Variants in C10orf67 observed in about 807,000 individuals in gnomAD.
C10orf67 encodes uncharacterized protein C10orf67, mitochondrial.
C10orf67 carries 60 observed loss-of-function variants against 35.6 expected under a neutral mutation model. The ratio of observed to expected loss-of-function variants is 1.68; its 90% CI spans 1.37 to 2.09. C10orf67 has a LOEUF of 2.09. Among genes scored for constraint, C10orf67 ranks in the 30% most tolerant of loss-of-function variants. The pLI is 0.00. For synonymous variants in C10orf67, 167 were observed against 115.8 expected (o/e 1.44, Z -2.84); for missense variants, 474 against 330.2 (o/e 1.44, Z -3.38).
Position 23,291,298 on chromosome 10 carries a change from C to A in C10orf67, c.703-19G>T. 2 of 711,012 alleles carry A rather than the reference C, an allele frequency of 2.8e-6. No individual in the cohort carries two copies. Among genetic ancestry groups the A allele is most frequent in the South Asian group, 3.0e-5 (2 of 66,182 alleles). 44.0% of individuals were successfully genotyped at this position (711,012 alleles called of 1,614,324 possible). ...AAGATTCCTAAAAGATGGAGAATGC[C>A]ATATTCCTAAGCAGGGAGCCAAGGA... On this transcript the variant is annotated intron_variant, in intron 5 of 15. Transcript: ENST00000636213.
At chr10:23,331,089 G>T (rs1015678079) in intron 2 of C10orf67, among the ~76,000 whole-genome samples, 5 of 34,776 alleles carry the variant, frequency 1.4e-4, no homozygotes, top group Admixed American at 3.6e-4. Flanking sequence ...GGAGGGGATA[G>T]GAGGGGAGGG....
At chr10:23,244,495 A>C (rs923166494) in intron 12 of C10orf67, among the ~76,000 whole-genome samples, 6 of 152,190 alleles carry the variant, frequency 3.9e-5, no homozygotes, top group African/African-American at 1.4e-4. Flanking sequence ...AGAGCTAATA[A>C]ATTCAGTAAA....
At chr10:23,333,601 G>A (rs1039190753) in intron 1 of C10orf67, among the ~76,000 whole-genome samples, 1 of 152,172 alleles carries the variant, frequency 6.6e-6, no homozygotes, top group African/African-American at 2.4e-5. Flanking sequence ...TAGAAAATCT[G>A]TGAGATCAAA....
intron 4 of C10orf67, among the ~76,000 whole-genome samples, chr10:23,308,091 C>A (rs1844353837): frequency 6.6e-6 from 1 of 152,172 alleles, no homozygotes; most frequent in African/African-American, 2.4e-5. Context: ...AGTTCAACAC[C>A]TTCACTGTCA....
intron 1 of C10orf67, among the ~76,000 whole-genome samples, chr10:23,334,902 A>G (rs1199072824): frequency 6.6e-6 from 1 of 152,164 alleles, no homozygotes; most frequent in Non-Finnish European, 1.5e-5. Context: ...AAAAAGATGG[A>G]AATAGGTTGG....
At chr10:23,307,606 TA>T (rs1564501830) in intron 4 of C10orf67, among the ~76,000 whole-genome samples, 1 of 138,064 alleles carries the variant, frequency 7.2e-6, no homozygotes, top group East Asian at 2.4e-4. Flanking sequence ...ATTTTTTATT[TA>T]GTTTTTTTTT....
chr10:23,318,368 T>C (rs1487834970), intron 4 of C10orf67: 2 of 152,902 alleles, frequency 1.3e-5, no homozygotes, highest in South Asian at 2.1e-4. Context: ...AGTACCTACA[T>C]GTAGATCTTC....
At position 23,204,014 on chromosome 10, in the gene C10orf67, C is replaced by G. The variant is rs1245294116; in HGVS notation, c.*159G>C. Reference sequence around the variant, plus strand: ...CACAAGGCGCGCATTGAGGTCTATTCGAGCGCAGTGCTGGTTAATATACAT... The same window carrying G: ...CACAAGGCGCGCATTGAGGTCTATTGGAGCGCAGTGCTGGTTAATATACAT... On this transcript the variant is annotated 3_prime_UTR_variant, in exon 16 of 16. Transcript: ENST00000636213. 5.2e-6 allele frequency: 2 copies of G among 386,382 alleles called. No homozygotes were observed. Among genetic ancestry groups the G allele is most frequent in the African/African-American group, 4.2e-5 (2 of 48,166 alleles). 23.9% of individuals were successfully genotyped at this position (386,382 alleles called of 1,614,324 possible).
At chr10:23,275,412 C>A (rs2132221645) in intron 8 of C10orf67, among the ~76,000 whole-genome samples, 1 of 152,256 alleles carries the variant, frequency 6.6e-6, no homozygotes, top group East Asian at 1.9e-4. Context: ...CTCTCAAAAC[C>A]CTTCGGGAAG....
intron 2 of C10orf67, among the ~76,000 whole-genome samples, chr10:23,327,301 TAAAAG>T (rs1845238941): frequency 6.6e-6 from 1 of 152,112 alleles, no homozygotes; most frequent in Admixed American, 6.5e-5. Context: ...AATTAGCTAT[TAAAAG>T]AAATTATTAG....
chr10:23,293,362 T>C (rs1203039656), intron 5 of C10orf67, among the ~76,000 whole-genome samples: 1 of 152,192 alleles, frequency 6.6e-6, no homozygotes, highest in Non-Finnish European at 1.5e-5. Flanking sequence ...AGTAATTAAC[T>C]ATTCAGACGC....
chr10:23,274,031 A>G (rs1294169813), intron 8 of C10orf67, among the ~76,000 whole-genome samples: 1 of 152,128 alleles, frequency 6.6e-6, no homozygotes, highest in Admixed American at 6.5e-5. Context: ...GTATCATCAC[A>G]TATTGGTAGG....
intron 12 of C10orf67, among the ~76,000 whole-genome samples, chr10:23,246,410 A>G (rs897026197): frequency 2.0e-5 from 3 of 152,236 alleles, no homozygotes; most frequent in East Asian, 1.9e-4. Context: ...TAAAAAGTCA[A>G]TGAAAAGACA....
At chr10:23,304,591 C>T (rs541469874) in intron 4 of C10orf67, among the ~76,000 whole-genome samples, 17 of 152,258 alleles carry the variant, frequency 1.1e-4, no homozygotes, top group African/African-American at 3.6e-4. Context: ...TGGCAGGAGG[C>T]ACACCTTTCT....
At position 23,311,433 on chromosome 10, in the gene C10orf67, C is replaced by T. The variant is rs1028437927; in HGVS notation, c.547-7974G>A. ...GGAGTTTGAAATTCCAGCTTGGGGCCGGGCACGGTGGCTCATGCCTGTAAT... is the reference window on the plus strand; with the variant it reads ...GGAGTTTGAAATTCCAGCTTGGGGCTGGGCACGGTGGCTCATGCCTGTAAT... On this transcript the variant is annotated intron_variant, in intron 4 of 15. Coordinates refer to ENST00000636213, the MANE Select transcript of C10orf67 (RefSeq NM_001371909.1). Among the ~76,000 whole-genome samples, 17 of 152,242 alleles carry T rather than the reference C, an allele frequency of 1.1e-4. No individual in the cohort carries two copies. In the South Asian group the frequency reaches 1.4e-3, roughly 13 times the overall value.
chr10:23,309,080 G>C (rs76650695), intron 4 of C10orf67, among the ~76,000 whole-genome samples: 1 of 151,974 alleles, frequency 6.6e-6, no homozygotes, highest in Non-Finnish European at 1.5e-5. Flanking sequence ...AGATACCTGC[G>C]CTTATATGTT....
intron 8 of C10orf67, among the ~76,000 whole-genome samples, chr10:23,277,585 A>G (rs1365097051): frequency 1.3e-5 from 2 of 152,016 alleles, no homozygotes; most frequent in South Asian, 2.1e-4. Context: ...ACACACACGT[A>G]TACAAAATAC....
chr10:23,332,800 A>G (rs571636739), intron 2 of C10orf67, among the ~76,000 whole-genome samples: 2 of 152,364 alleles, frequency 1.3e-5, no homozygotes, highest in African/African-American at 4.8e-5. Context: ...AGTGTCATAA[A>G]TAGAAAATGT....
At chr10:23,321,316 T>G (rs1224189571) in intron 3 of C10orf67, among the ~76,000 whole-genome samples, 1 of 152,248 alleles carries the variant, frequency 6.6e-6, no homozygotes, top group Non-Finnish European at 1.5e-5. Context: ...TCATATCAAT[T>G]CTGATTTCAG....
Sources: gnomAD v4.1 joint callset for allele counts (sites outside exome capture counted in the v4.1 genomes callset) on GRCh38, gnomAD v4.1.1 for gene constraint, MANE v1.5 for transcripts, NCBI Gene and HGNC (gene_info 2026-07-23, HGNC 2026-07-21) for gene names.